Variants in ESPL1 observed in about 807,000 individuals in gnomAD.
ESPL1 encodes the protein extra spindle pole bodies like 1, separase, also known as separin.
ESPL1 carries 50 observed loss-of-function variants against 217.2 expected under a neutral mutation model. That is an observed-to-expected ratio of 0.23 (90% CI 0.18 to 0.29). The LOEUF is 0.29. Among genes scored for constraint, ESPL1 ranks in the 10% least tolerant of loss-of-function variants. ESPL1 has a pLI of 1.00. For missense variants in ESPL1, 1,834 were observed against 2,603.0 expected (o/e 0.70, Z 6.43); for synonymous variants, 994 against 1,081.3 (o/e 0.92, Z 1.58).
Position 53,277,185 on chromosome 12 carries a change from G to A in ESPL1, c.2043G>A (p.Leu681=). The A allele has an allele frequency of 6.2e-7, 1 of 1,614,018 alleles. No individual in the cohort carries two copies. Among genetic ancestry groups the A allele is most frequent in the Non-Finnish European group, 8.5e-7 (1 of 1,179,834 alleles). Residue 681 remains leucine (L), a synonymous_variant, in exon 9 of 31, where the codon TTG becomes TTA. Transcript: ENST00000257934. ...TTCTGGACGATAAAGCACAGGCCTT[G>A]CTGTGGCTTTACATCTGTACTCTGG... The part of the protein sequence containing the change: ...DQLLDDKAQA[L]LWLYICTLEA...
At chr12:53,289,795 G>A (rs1944020113) in intron 22 of ESPL1, 2 of 610,814 alleles carry the variant, frequency 3.3e-6, no homozygotes, top group Admixed American at 3.1e-5. Context: ...AGCAAATTCA[G>A]TGTCTTTCCT....
chr12:53,292,219 G>A lies in ESPL1; in HGVS notation c.5797-59G>A. 2.1e-6 allele frequency: 3 copies of A among 1,461,422 alleles called. No homozygotes were observed. The highest frequency in any genetic ancestry group is 1.1e-5 in the South Asian group (1 of 87,998). The allele number at this position is 1,461,422 out of a possible 1,614,324, so 90.5% of individuals were successfully genotyped here. On this transcript the variant is annotated intron_variant, in intron 27 of 30. Transcript: ENST00000257934. This position sits in a 1 kb window ranked among gnomAD's most constrained non-coding sequence, Gnocchi z 4.5. ...TCAGACATGGAAAGGGGCTGAGATT[G>A]TTAGAGCTTGGGCCTCTTGGTGAGA...
At position 53,282,996 on chromosome 12, in the gene ESPL1, G is replaced by T; in HGVS notation, c.2792-133G>T. On this transcript the variant is annotated intron_variant, in intron 14 of 30. Coordinates refer to ENST00000257934, the MANE Select transcript of ESPL1 (RefSeq NM_012291.5). The surrounding 1 kb of genome is among the most constrained non-coding windows in gnomAD (Gnocchi z 4.0). ...GACCCCAGGGGATCTCAGAGGGAAG[G>T]AGTTATGAGATTGATTAGCTCTGCC... 8.7e-7 allele frequency: 1 copy of T among 1,154,378 alleles called. No homozygotes were observed. 71.5% of individuals were successfully genotyped at this position (1,154,378 alleles called of 1,614,324 possible).
At chr12:53,276,930 T>A (rs1366045228) in intron 8 of ESPL1, 71 bp downstream of exon 8, 1 of 1,577,664 alleles carries the variant, frequency 6.3e-7, no homozygotes, top group Non-Finnish European at 8.6e-7. Context: ...TGAGAACCAG[T>A]TTCCCTCTCC....
chr12:53,268,929 G>A (rs1441014614), intron 2 of ESPL1, 82 bp downstream of exon 2: 4 of 1,484,520 alleles, frequency 2.7e-6, no homozygotes, highest in African/African-American at 1.4e-5. Flanking sequence ...AGATGGATAA[G>A]TAGGCGACCC....
intron 7 of ESPL1, 44 bp downstream of exon 7, chr12:53,275,054 G>T: frequency 6.9e-7 from 1 of 1,454,762 alleles, no homozygotes; most frequent in East Asian, 2.5e-5. Context: ...TGTAATCCCA[G>T]CACTTTGGGA....
chr12:53,289,015 G>A, intron 20 of ESPL1, 75 bp from the exon 21 acceptor site: 1 of 1,204,718 alleles, frequency 8.3e-7, no homozygotes, highest in Non-Finnish European at 1.2e-6. Context: ...GATAGGGACT[G>A]TTCCTTCTTG....
rs1265867223 is a variant in ESPL1 at position 53,283,444 on chromosome 12, G to T, written c.2983G>T (p.Val995Phe). The T allele has an allele frequency of 6.2e-7, 1 of 1,614,132 alleles. No individual in the cohort carries two copies. Among genetic ancestry groups the T allele is most frequent in the Admixed American group, 1.7e-5 (1 of 60,022 alleles). The change falls in exon 16 of 31, where the codon GTC becomes TTC. Residue 995 changes from valine to phenylalanine, a missense_variant. Val to Phe is a conservative substitution (Grantham distance 50). Transcript: ENST00000257934. The part of the protein sequence containing the change: ...SEVLSCSEKL[V>F]CHLGRLGSVS... ...GGTGCTGAGCTGCTCAGAGAAGCTG[G>T]TCTGCCACCTGGGCCGCCTGGGTAG...
chr12:53,289,179 C>T lies in ESPL1; in HGVS notation c.4798C>T (p.Leu1600Phe). 1 of 1,614,158 alleles carries T rather than the reference C, an allele frequency of 6.2e-7. No individual in the cohort carries two copies. The highest frequency in any genetic ancestry group is 8.5e-7 in the Non-Finnish European group (1 of 1,179,986). The change falls in exon 21 of 31, where the codon CTC becomes TTC. Residue 1600 changes from leucine (L) to phenylalanine (F), a missense_variant. By Grantham distance (22) the Leu-to-Phe change is conservative (BLOSUM62 0). Transcript: ENST00000257934. ...HCPPSGLYAHLCRFLALCLGH... is the reference protein window; with the variant it reads ...HCPPSGLYAHFCRFLALCLGH... ...TCCTCCTAGTGGGCTCTATGCCCACCTCTGCCGCTTCCTGGCCTTGTGCCT... is the reference window on the plus strand; with the variant it reads ...TCCTCCTAGTGGGCTCTATGCCCACTTCTGCCGCTTCCTGGCCTTGTGCCT...
chr12:53,293,064 C>A lies in ESPL1; in HGVS notation c.6161+94C>A. The A allele has an allele frequency of 8.0e-7, 1 of 1,253,758 alleles. No homozygotes were observed. The highest frequency in any genetic ancestry group is 1.1e-6 in the Non-Finnish European group (1 of 897,254). The allele number at this position is 1,253,758 out of a possible 1,614,324, so 77.7% of individuals were successfully genotyped here. On this transcript the variant is annotated intron_variant, in intron 30 of 30. Coordinates refer to ENST00000257934, the MANE Select transcript of ESPL1 (RefSeq NM_012291.5). The surrounding 1 kb of genome is among the most constrained non-coding windows in gnomAD (Gnocchi z 4.2). ...AGGTCTGAATCTTGCCTCTCTTGTG[C>A]CCCATTTTCCTCCTATCCTAGTTAG...
chr12:53,272,991 G>T, intron 6 of ESPL1, 134 bp downstream of exon 6: 1 of 792,370 alleles, frequency 1.3e-6, no homozygotes, highest in Non-Finnish European at 2.0e-6. Context: ...ATCTGGAGCA[G>T]TGTTTCCCAA....
rs1345876996 is a variant in ESPL1, at chr12:53,288,529, T to C, written c.4547-9T>C. The C allele has an allele frequency of 3.7e-6, 6 of 1,604,872 alleles. No individual in the cohort carries two copies. Among genetic ancestry groups the C allele is most frequent in the African/African-American group, 1.3e-5 (1 of 74,394 alleles). On this transcript the variant is annotated splice_polypyrimidine_tract_variant and intron_variant, in intron 19 of 30. Transcript: ENST00000257934. ...GGAGCACTGTGAAAAAGGCCTGCTC[T>C]CTCCCCAGGTGGGAAGACTCCAGCT...
rs745889938 is a variant in ESPL1, at chr12:53,290,437, A to G, written c.5332A>G (p.Thr1778Ala). 3 of 1,613,222 alleles carry G rather than the reference A, an allele frequency of 1.9e-6. No homozygotes were observed. In the Admixed American group the frequency reaches 5.0e-5, roughly 27 times the overall value. The change falls in exon 24 of 31, where the codon ACA (threonine) becomes GCA (alanine). Residue 1778 changes from threonine (T) to alanine (A), a missense_variant. Thr to Ala is a moderately conservative substitution (Grantham distance 58, BLOSUM62 0). Transcript: ENST00000257934. Reference protein sequence around the residue: ...SSCTDKREWWTGRLALDHRME... With the variant: ...SSCTDKREWWAGRLALDHRME... ...CTGTACTGACAAGCGAGAATGGTGG[A>G]CAGGGCGGCTGGCACTGGACCACAG...
At chr12:53,289,383 C>G (rs1944013257) in intron 21 of ESPL1, 21 bp from the exon 22 acceptor site, 10 of 1,611,440 alleles carry the variant, frequency 6.2e-6, no homozygotes, top group Middle Eastern at 3.3e-4. Flanking sequence ...GGGACCTCAC[C>G]CCTCCCCGTG....
Position 53,293,221 on chromosome 12 carries a change from T to C in ESPL1, c.6162-52T>C. ...CCCCACCACCAATGGTGTTTTCCTA[T>C]GTATTCTGTTTTAGAGCCCTTACTT... On this transcript the variant is annotated intron_variant, in intron 30 of 30. Coordinates refer to ENST00000257934, the MANE Select transcript of ESPL1 (RefSeq NM_012291.5). This position sits in a 1 kb window ranked among gnomAD's most constrained non-coding sequence, Gnocchi z 4.2. The C allele has an allele frequency of 6.9e-7, 1 of 1,441,150 alleles. No homozygotes were observed. Among genetic ancestry groups the C allele is most frequent in the East Asian group, 2.3e-5 (1 of 44,064 alleles). The allele number at this position is 1,441,150 out of a possible 1,614,324, so 89.3% of individuals were successfully genotyped here. A position where few individuals can be genotyped will look rare whatever the true frequency, so the allele number is the denominator to read the frequency against.
At chr12:53,288,850 G>A in intron 20 of ESPL1, 151 bp downstream of exon 20, 1 of 757,654 alleles carries the variant, frequency 1.3e-6, no homozygotes, top group Non-Finnish European at 2.2e-6. Flanking sequence ...TGAGCTGTGT[G>A]CAGGTCACTT....
chr12:53,280,822 C>T (rs1174531737), intron 12 of ESPL1, among the ~76,000 whole-genome samples: 1 of 151,762 alleles, frequency 6.6e-6, no homozygotes, highest in Non-Finnish European at 1.5e-5. Flanking sequence ...GGAGAAACCC[C>T]GTCTCTACTA....
Position 53,292,842 on chromosome 12 carries a change from T to C in ESPL1, c.6033T>C (p.Asp2011=), listed in dbSNP as rs1450698579. ...ATGGGGCTGGTGCCCGCTTCCTTGATGGGCAGGCTGTCCTGCGGCTGAGCT... is the reference window on the plus strand; with the variant it reads ...ATGGGGCTGGTGCCCGCTTCCTTGACGGGCAGGCTGTCCTGCGGCTGAGCT... ...AGHGAGARFL[D]GQAVLRLSCR... is the part of the protein sequence containing the mutation. Residue 2011 remains aspartate, a synonymous_variant, in exon 30 of 31, where the codon GAT becomes GAC. Coordinates refer to ENST00000257934, the MANE Select transcript of ESPL1 (RefSeq NM_012291.5). The surrounding 1 kb of genome is among the most constrained non-coding windows in gnomAD (Gnocchi z 4.5). The C allele has an allele frequency of 1.2e-6, 2 of 1,611,732 alleles. No individual in the cohort carries two copies. Among genetic ancestry groups the C allele is most frequent in the Non-Finnish European group, 1.7e-6 (2 of 1,180,028 alleles).
At position 53,271,172 on chromosome 12, in the gene ESPL1, G is replaced by GGTTTTTT. The variant is rs371461220; in HGVS notation, c.1369+374_1369+375insGTTTTTT. Among the ~76,000 whole-genome samples, 15 of 117,766 alleles carry GGTTTTTT rather than the reference G, an allele frequency of 1.3e-4. 2 individuals are homozygous for GGTTTTTT. The highest frequency in any genetic ancestry group is 1.2e-4 in the Non-Finnish European group (7 of 60,358). 77.3% of individuals were successfully genotyped at this position (117,766 alleles called of 152,430 possible). A position where few individuals can be genotyped will look rare whatever the true frequency, so the allele number is the denominator to read the frequency against. ...AAATGACCTTTCTGTATATTTAAGT[G>GGTTTTTT]TTTTTTTTTTTTTTTTTTTGAGACA... On this transcript the variant is annotated intron_variant, in intron 5 of 30. Coordinates refer to ENST00000257934, the MANE Select transcript of ESPL1 (RefSeq NM_012291.5).
Sources: gnomAD v4.1 joint callset for allele counts (sites outside exome capture counted in the v4.1 genomes callset) on GRCh38, gnomAD v4.1.1 for gene constraint, Gnocchi (gnomAD v3.1) non-coding constraint, MANE v1.5 for transcripts, NCBI Gene and HGNC (gene_info 2026-07-23, HGNC 2026-07-21) for gene names.